The following CLASP1 variants were observed in gnomAD, a reference collection of about 807,000 sequenced individuals.
CLASP1 encodes CLIP-associating protein 1.
A neutral mutation model predicts 192.3 loss-of-function variants in CLASP1; 38 were observed. The ratio of observed to expected loss-of-function variants is 0.20; its 90% CI spans 0.15 to 0.26. CLASP1 has a LOEUF of 0.26. CLASP1 is among the 10% of genes least tolerant of loss of function. CLASP1 has a pLI of 1.00. For synonymous variants in CLASP1, 691 were observed against 712.8 expected (o/e 0.97, Z 0.49); for missense variants, 1,433 against 1,932.5 (o/e 0.74, Z 4.85).
At chr2:121,371,774 G>A (rs953687885) in intron 34 of CLASP1, among the ~76,000 whole-genome samples, 1 of 152,100 alleles carries the variant, frequency 6.6e-6, no homozygotes, top group Non-Finnish European at 1.5e-5. Context: ...ACGTCCCCAC[G>A]TCCTGAAGGA....
chr2:121,569,161 A>T (rs1351446151), intron 2 of CLASP1, among the ~76,000 whole-genome samples: 1 of 152,196 alleles, frequency 6.6e-6, no homozygotes, highest in Non-Finnish European at 1.5e-5. Context: ...CTGCCTCAAG[A>T]ATCTTACATT....
At chr2:121,537,806 T>C (rs1223777233) in intron 2 of CLASP1, among the ~76,000 whole-genome samples, 2 of 152,222 alleles carry the variant, frequency 1.3e-5, no homozygotes, top group Non-Finnish European at 2.9e-5. Flanking sequence ...CAATAAATCA[T>C]TCCATGTAAC....
At chr2:121,449,451 C>T (rs1424126228) in intron 16 of CLASP1, among the ~76,000 whole-genome samples, 4 of 152,140 alleles carry the variant, frequency 2.6e-5, no homozygotes, top group Non-Finnish European at 5.9e-5. Flanking sequence ...ACAGGATAGG[C>T]TCATTAAAAT....
At chr2:121,645,114 C>T (rs1374754351) in intron 1 of CLASP1, among the ~76,000 whole-genome samples, 1 of 152,100 alleles carries the variant, frequency 6.6e-6, no homozygotes, top group African/African-American at 2.4e-5. Flanking sequence ...ACTGCAAGCC[C>T]CTGAAGTGCA....
At position 121,356,808 on chromosome 2, in the gene CLASP1, T is replaced by A. The variant is rs150465199; in HGVS notation, c.4206+6364A>T. ...GATTCAGGGCAACACAATGGATATC[T>A]TCAAATGTGGTCAGGTTCTTAGGTG... On this transcript the variant is annotated intron_variant, in intron 37 of 39. Transcript: ENST00000263710. Among the ~76,000 whole-genome samples, 323 of 152,288 alleles carry A rather than the reference T, an allele frequency of 2.1e-3. 1 individual carries two copies. Among genetic ancestry groups the A allele is most frequent in the African/African-American group, 7.3e-3 (304 of 41,560 alleles).
Position 121,531,082 on chromosome 2 carries a change from A to G in CLASP1, c.196-757T>C, listed in dbSNP as rs781743326. The G allele has an allele frequency of 5.5e-5, 37 of 677,938 alleles. 1 individual carries two copies. The highest frequency in any genetic ancestry group is 7.5e-5 in the South Asian group (5 of 66,226). The allele number at this position is 677,938 out of a possible 1,614,324, so 42.0% of individuals were successfully genotyped here. On this transcript the variant is annotated intron_variant, in intron 2 of 39. Coordinates refer to ENST00000263710, the Ensembl canonical transcript of CLASP1. ...AAATAAACTAGTACTTTGTGGTTAA[A>G]CCAGTAGAGGGTGCACAAGACGCGT...
intron 1 of CLASP1, among the ~76,000 whole-genome samples, chr2:121,637,991 A>T (rs1351691091): frequency 6.6e-6 from 1 of 152,194 alleles, no homozygotes; most frequent in African/African-American, 2.4e-5. Flanking sequence ...CACAAGCAAC[A>T]AAAGAGGACA....
intron 1 of CLASP1, among the ~76,000 whole-genome samples, chr2:121,640,041 TA>T (rs1381854169): frequency 1.3e-5 from 2 of 152,054 alleles, no homozygotes; most frequent in Non-Finnish European, 2.9e-5. Context: ...TATGCAGCCA[TA>T]AAAAAGGATG....
At chr2:121,456,457 G>T (rs1056084169) in intron 14 of CLASP1, among the ~76,000 whole-genome samples, 1 of 151,340 alleles carries the variant, frequency 6.6e-6, no homozygotes, top group South Asian at 2.1e-4. Context: ...TCCAGCCTGG[G>T]TGAAAGAAAG....
intron 1 of CLASP1, among the ~76,000 whole-genome samples, chr2:121,615,631 G>A (rs1166462265): frequency 1.3e-5 from 2 of 151,526 alleles, no homozygotes; most frequent in Admixed American, 1.3e-4. Context: ...TAAAAATATA[G>A]AAATTAGCAG....
intron 1 of CLASP1, among the ~76,000 whole-genome samples, chr2:121,621,959 T>C (rs1430955535): frequency 6.6e-6 from 1 of 152,090 alleles, no homozygotes; most frequent in Admixed American, 6.6e-5. Context: ...GCAATCCTCC[T>C]GCCTCAGCCT....
rs1282965053 is a variant in CLASP1, at chr2:121,451,780, A to T, written c.1445+10T>A. The stretch of plus-strand genomic sequence containing the variant: ...TCAGAGGGAAAAATGGTTTCAAATC[A>T]GATGCTCACCGTTCTAGTGAATGTG... On this transcript the variant is annotated intron_variant, in intron 15 of 39. Transcript: ENST00000263710. 2 of 1,568,454 alleles carry T rather than the reference A, an allele frequency of 1.3e-6. No individual in the cohort carries two copies. The highest frequency in any genetic ancestry group is 2.4e-5 in the South Asian group (2 of 85,016).
At chr2:121,360,308 T>A (rs1156879292) in intron 37 of CLASP1, among the ~76,000 whole-genome samples, 1 of 152,182 alleles carries the variant, frequency 6.6e-6, no homozygotes, top group Non-Finnish European at 1.5e-5. Context: ...ATAAACAAAC[T>A]TTGGAAGTAT....
chr2:121,608,823 T>G (rs1290484101), intron 1 of CLASP1, among the ~76,000 whole-genome samples: 2 of 152,112 alleles, frequency 1.3e-5, no homozygotes, highest in African/African-American at 2.4e-5. Flanking sequence ...GAAAAAAAAT[T>G]TCATAGCGTT....
chr2:121,603,242 C>A (rs999772691), intron 2 of CLASP1: 33 of 151,546 alleles, frequency 2.2e-4, no homozygotes, highest in African/African-American at 7.0e-4. Context: ...ATATACATAT[C>A]CAATTTTAAA....
chr2:121,462,248 T>C (rs1344892409), intron 10 of CLASP1, among the ~76,000 whole-genome samples: 2 of 152,156 alleles, frequency 1.3e-5, no homozygotes, highest in African/African-American at 4.8e-5. Flanking sequence ...AATATACTTT[T>C]TTTATTCTCT....
At chr2:121,488,703 A>G (rs1352062152) in intron 8 of CLASP1, among the ~76,000 whole-genome samples, 1 of 152,248 alleles carries the variant, frequency 6.6e-6, no homozygotes, top group Non-Finnish European at 1.5e-5. Context: ...CTCTGAAAAC[A>G]CTAAAGTACT....
intron 10 of CLASP1, among the ~76,000 whole-genome samples, 170 bp downstream of exon 10, chr2:121,462,362 G>A (rs2088262751): frequency 6.6e-6 from 1 of 152,004 alleles, no homozygotes; most frequent in African/African-American, 2.4e-5. Context: ...ATTATCTTGG[G>A]CCTTGACTTT....
Position 121,363,169 on chromosome 2 carries a change from C to G in CLASP1, c.4206+3G>C. ...AGCACCCCTGGCCACATGACTGACT[C>G]ACCTCCTTATGGGAGTCTTTGTGGG... On this transcript the variant is annotated splice_donor_region_variant and intron_variant, in intron 37 of 39. Transcript: ENST00000263710. The G allele has an allele frequency of 6.2e-7, 1 of 1,613,986 alleles. No individual in the cohort carries two copies. Among genetic ancestry groups the G allele is most frequent in the Non-Finnish European group, 8.5e-7 (1 of 1,179,884 alleles).
Sources: gnomAD v4.1 joint callset for allele counts (sites outside exome capture counted in the v4.1 genomes callset) on GRCh38, gnomAD v4.1.1 for gene constraint, MANE v1.5 for transcripts, NCBI Gene and HGNC (gene_info 2026-07-23, HGNC 2026-07-21) for gene names.